The following CNTN4 variants were observed in gnomAD, a reference collection of about 807,000 sequenced individuals.
The protein encoded by CNTN4 is contactin 4, also known as contactin-4.
A neutral mutation model predicts 122.5 loss-of-function variants in CNTN4; 77 were observed. The ratio of observed to expected loss-of-function variants is 0.63; its 90% CI spans 0.52 to 0.76. The LOEUF (loss-of-function observed/expected upper bound fraction) is 0.76. CNTN4 is among the 30% of genes least tolerant of loss of function. The pLI is 0.00. For missense variants in CNTN4, 1,256 were observed against 1,259.1 expected (o/e 1.00, Z 0.04); for synonymous variants, 512 against 447.0 (o/e 1.15, Z -1.83).
At chr3:2,204,195 A>T (rs1475964849) in intron 2 of CNTN4, among the ~76,000 whole-genome samples, 2 of 152,088 alleles carry the variant, frequency 1.3e-5, no homozygotes, top group Non-Finnish European at 2.9e-5. Context: ...AAGATCTTTG[A>T]TTATACACTT....
chr3:2,900,785 C>A lies in CNTN4; in HGVS notation c.1041C>A (p.Tyr347Ter). Reference sequence around the variant, plus strand: ...CAAATGGAAGGCCTAAGCCTACATACAAGTGGCTAAAAAATGGCGAACCTC... The same window carrying A: ...CAAATGGAAGGCCTAAGCCTACATAAAAGTGGCTAAAAAATGGCGAACCTC... ...CKANGRPKPT[Y>*]KWLKNGEPLL... The change falls in exon 11 of 25, where the codon TAC (tyrosine) becomes TAA (stop). Residue 347 changes from tyrosine to a stop codon, truncating the protein, a stop_gained. Transcript: ENST00000418658. LOFTEE classifies it high-confidence loss of function. 6.2e-7 allele frequency: 1 copy of A among 1,613,954 alleles called. No individual in the cohort carries two copies. Among genetic ancestry groups the A allele is most frequent in the Non-Finnish European group, 8.5e-7 (1 of 1,179,828 alleles).
At chr3:2,689,185 T>G (rs186401691) in intron 4 of CNTN4, among the ~76,000 whole-genome samples, 29 of 152,184 alleles carry the variant, frequency 1.9e-4, no homozygotes. Flanking sequence ...GCTATTCTTA[T>G]GGGAGCCAAC....
chr3:2,674,507 A>G (rs566944282), intron 4 of CNTN4, among the ~76,000 whole-genome samples: 2 of 152,336 alleles, frequency 1.3e-5, no homozygotes, highest in East Asian at 3.9e-4. Context: ...CTATAATCCC[A>G]GCACTTTGGG....
intron 2 of CNTN4, among the ~76,000 whole-genome samples, chr3:2,105,503 G>GTT (rs1188291235): frequency 6.6e-6 from 1 of 152,106 alleles, no homozygotes; most frequent in Non-Finnish European, 1.5e-5. Flanking sequence ...GCAAAGGCAG[G>GTT]TCTTACATGG....
chr3:2,329,238 A>T (rs918456290), intron 2 of CNTN4, among the ~76,000 whole-genome samples: 6 of 152,152 alleles, frequency 3.9e-5, no homozygotes, highest in African/African-American at 1.4e-4. Context: ...TTTCTCCTAT[A>T]TGTCTATATT....
intron 2 of CNTN4, among the ~76,000 whole-genome samples, chr3:2,260,556 G>A (rs1038155181): frequency 1.3e-5 from 2 of 152,022 alleles, no homozygotes; most frequent in Admixed American, 6.6e-5. Context: ...AAGGACTAGA[G>A]TTGGCTGTCT....
chr3:2,602,381 G>A (rs2081083731), intron 4 of CNTN4, among the ~76,000 whole-genome samples: 1 of 152,148 alleles, frequency 6.6e-6, no homozygotes, highest in African/African-American at 2.4e-5. Flanking sequence ...AGCTGATGAA[G>A]AACTTCAGCA....
chr3:2,620,343 A>G (rs1411542891), intron 4 of CNTN4, among the ~76,000 whole-genome samples: 1 of 151,998 alleles, frequency 6.6e-6, no homozygotes, highest in Non-Finnish European at 1.5e-5. Flanking sequence ...CTATGAAAAT[A>G]CAAAAAATAA....
chr3:2,467,133 G>GTT lies in CNTN4; in HGVS notation c.-88-104267_-88-104266dup, dbSNP rs368919706. ...CATTGGATGATATGCAAAATTATGG[G>GTT]TTTTTTTTTTTTTTTTTGAGAAGAG... is the stretch of plus-strand genomic sequence containing the variant. On this transcript the variant is annotated intron_variant, in intron 3 of 24. Coordinates refer to ENST00000418658, the MANE Select transcript of CNTN4 (RefSeq NM_175607.3). 7.3e-3 allele frequency among the ~76,000 whole-genome samples: 957 copies of GTT among 131,418 alleles called. 9 individuals are homozygous for GTT. The highest frequency in any genetic ancestry group is 0.015 in the African/African-American group (547 of 36,084). The allele number at this position is 131,418 out of a possible 152,430, so 86.2% of individuals were successfully genotyped here.
rs1699690793 is a variant in CNTN4, at chr3:3,037,258, A to G, written c.2022A>G (p.Thr674=). The change falls in exon 18 of 25, where the codon ACA becomes ACG. Residue 674 remains threonine (T), a synonymous_variant. Coordinates refer to ENST00000418658, the MANE Select transcript of CNTN4 (RefSeq NM_175607.3). ...LNPWVEYEFR[T]VAANVIGIGE... The stretch of plus-strand genomic sequence containing the variant: ...CTTGGGTTGAATATGAATTCCGCAC[A>G]GTTGCAGCCAACGTGATTGGGATTG... 6.2e-7 allele frequency: 1 copy of G among 1,614,074 alleles called. No individual in the cohort carries two copies. Among genetic ancestry groups the G allele is most frequent in the South Asian group, 1.1e-5 (1 of 91,078 alleles).
chr3:2,488,055 A>T (rs1165883939), intron 3 of CNTN4, among the ~76,000 whole-genome samples: 1 of 152,168 alleles, frequency 6.6e-6, no homozygotes, highest in Non-Finnish European at 1.5e-5. Context: ...CAACACCCTC[A>T]AAGCAATTAA....
chr3:2,216,174 G>T (rs1409772684), intron 2 of CNTN4, among the ~76,000 whole-genome samples: 2 of 152,094 alleles, frequency 1.3e-5, no homozygotes. Flanking sequence ...AGAAAATGTG[G>T]AACATATACA....
intron 3 of CNTN4, among the ~76,000 whole-genome samples, chr3:2,354,563 G>A (rs2150482427): frequency 6.6e-6 from 1 of 152,288 alleles, no homozygotes; most frequent in South Asian, 2.1e-4. Flanking sequence ...TGAACCTTAA[G>A]TGAAAGGAGT....
intron 3 of CNTN4, among the ~76,000 whole-genome samples, chr3:2,346,423 G>A (rs562718545): frequency 6.6e-6 from 1 of 152,074 alleles, no homozygotes; most frequent in East Asian, 1.9e-4. Context: ...AACTTACATA[G>A]ATTTTCTTAT....
chr3:2,771,995 ACATTC>A lies in CNTN4; in HGVS notation c.358+26302_358+26306del, dbSNP rs2091123681. 2.6e-5 allele frequency among the ~76,000 whole-genome samples: 4 copies of A among 152,180 alleles called. No individual in the cohort carries two copies. In the South Asian group the frequency reaches 8.3e-4, roughly 32 times the overall value. ...TCATGGATATGCACGGGACATGGAA[ACATTC>A]CATGTTTCAAGGTTGTCAAATATGA... On this transcript the variant is annotated intron_variant, in intron 6 of 24. Coordinates refer to ENST00000418658, the MANE Select transcript of CNTN4 (RefSeq NM_175607.3).
chr3:2,833,840 G>T (rs1313058811), intron 7 of CNTN4, among the ~76,000 whole-genome samples: 1 of 152,096 alleles, frequency 6.6e-6, no homozygotes, highest in Non-Finnish European at 1.5e-5. Context: ...ACATAAATTT[G>T]TTAAATATAA....
At chr3:3,042,520 C>G (rs927887238) in intron 21 of CNTN4, 98 bp downstream of exon 21, 10 of 803,190 alleles carry the variant, frequency 1.2e-5, no homozygotes, top group Non-Finnish European at 1.7e-5. Context: ...CACATTCCCA[C>G]TAAGAGGCAT....
chr3:2,142,703 A>G (rs1394464685), intron 2 of CNTN4, among the ~76,000 whole-genome samples: 1 of 152,188 alleles, frequency 6.6e-6, no homozygotes, highest in Non-Finnish European at 1.5e-5. Context: ...TTAACAAACT[A>G]CTACAGCTGC....
chr3:2,818,104 C>G (rs531162027), intron 6 of CNTN4, among the ~76,000 whole-genome samples: 59 of 152,290 alleles, frequency 3.9e-4, no homozygotes, highest in African/African-American at 1.1e-3. Flanking sequence ...TGTGTCAGAC[C>G]TGCCTGCTTG....
Sources: allele counts gnomAD v4.1 joint callset (sites outside exome capture counted in the v4.1 genomes callset), GRCh38; gene constraint gnomAD v4.1.1; transcripts MANE v1.5; gene names NCBI Gene and HGNC (gene_info 2026-07-23, HGNC 2026-07-21).